The following FAM168A variants were observed in gnomAD, a reference collection of about 807,000 sequenced individuals.
FAM168A encodes the protein protein FAM168A.
In FAM168A, 3 loss-of-function variants were observed where a neutral mutation model predicts 28.5. The ratio of observed to expected loss-of-function variants is 0.11; its 90% CI spans 0.05 to 0.27. FAM168A has a LOEUF of 0.27. FAM168A is among the 10% of genes least tolerant of loss of function. FAM168A has a pLI of 1.00. For missense variants in FAM168A, 222 were observed against 311.5 expected (o/e 0.71, Z 2.16); for synonymous variants, 122 against 124.2 (o/e 0.98, Z 0.12).
At chr11:73,579,900 T>G (rs1414598954) in intron 1 of FAM168A, among the ~76,000 whole-genome samples, 1 of 152,196 alleles carries the variant, frequency 6.6e-6, no homozygotes, top group East Asian at 1.9e-4. Context: ...GCAAACTCAA[T>G]AATTTTTCAG....
intron 2 of FAM168A, among the ~76,000 whole-genome samples, chr11:73,447,743 C>T (rs1343897544): frequency 6.6e-6 from 1 of 151,562 alleles, no homozygotes; most frequent in Non-Finnish European, 1.5e-5. Context: ...CCTCTCTAAT[C>T]ACCAAGCCTT....
chr11:73,584,358 T>C (rs553490832), intron 1 of FAM168A, among the ~76,000 whole-genome samples: 1 of 151,974 alleles, frequency 6.6e-6, no homozygotes, highest in African/African-American at 2.4e-5. Context: ...TATTTTTTTG[T>C]AGAGATGTTG....
intron 1 of FAM168A, among the ~76,000 whole-genome samples, chr11:73,553,226 T>C (rs571774823): frequency 6.6e-6 from 1 of 152,254 alleles, no homozygotes; most frequent in East Asian, 1.9e-4. Context: ...TAGATTTTTT[T>C]TCAACGAGAC....
intron 3 of FAM168A, 56 bp downstream of exon 3, chr11:73,430,634 C>T (rs1866971048): frequency 6.5e-7 from 1 of 1,533,504 alleles, no homozygotes; most frequent in Non-Finnish European, 9.0e-7. Context: ...TTGCTTTTCC[C>T]AAATAGAGTC....
chr11:73,509,719 C>T (rs918997053), intron 1 of FAM168A, among the ~76,000 whole-genome samples: 1 of 152,196 alleles, frequency 6.6e-6, no homozygotes, highest in Admixed American at 6.5e-5. Flanking sequence ...TCAGCCTCCA[C>T]TCTCCAGCAC....
At chr11:73,414,334 G>A (rs908405138) in intron 4 of FAM168A, among the ~76,000 whole-genome samples, 3 of 152,132 alleles carry the variant, frequency 2.0e-5, no homozygotes, top group Non-Finnish European at 4.4e-5. Context: ...CTTTTTAAAA[G>A]CCTAAATATT....
chr11:73,499,918 GA>G (rs1854972193), intron 1 of FAM168A, among the ~76,000 whole-genome samples: 1 of 152,148 alleles, frequency 6.6e-6, no homozygotes, highest in South Asian at 2.1e-4. Flanking sequence ...CCAGGAGATG[GA>G]GAGAATGGAA....
At chr11:73,444,126 A>T (rs556600264) in intron 2 of FAM168A, among the ~76,000 whole-genome samples, 13 of 152,362 alleles carry the variant, frequency 8.5e-5, no homozygotes, top group African/African-American at 2.9e-4. Flanking sequence ...AAGTCCCTTT[A>T]CCTAATCCTC....
intron 1 of FAM168A, among the ~76,000 whole-genome samples, chr11:73,505,389 C>G (rs1855097214): frequency 6.6e-6 from 1 of 152,060 alleles, no homozygotes; most frequent in South Asian, 2.1e-4. Flanking sequence ...AATAATAGTA[C>G]TATCTAACAG....
chr11:73,477,082 G>C (rs965313216), intron 1 of FAM168A, among the ~76,000 whole-genome samples: 1 of 151,974 alleles, frequency 6.6e-6, no homozygotes, highest in Non-Finnish European at 1.5e-5. Context: ...GATGCAGCTG[G>C]AGGTCATTAT....
chr11:73,538,108 G>A (rs974863188), intron 1 of FAM168A, among the ~76,000 whole-genome samples: 3 of 152,046 alleles, frequency 2.0e-5, no homozygotes, highest in African/African-American at 7.3e-5. Context: ...CTTACCCAAG[G>A]TCTGAAACTT....
At chr11:73,595,529 A>C (rs1944432654) in intron 1 of FAM168A, among the ~76,000 whole-genome samples, 1 of 152,150 alleles carries the variant, frequency 6.6e-6, no homozygotes, top group Non-Finnish European at 1.5e-5. Flanking sequence ...TCTGAGCTCT[A>C]ATCAACAGCC....
intron 2 of FAM168A, among the ~76,000 whole-genome samples, chr11:73,464,339 A>G (rs1399987886): frequency 2.7e-5 from 4 of 148,222 alleles, no homozygotes; most frequent in African/African-American, 1.0e-4. Context: ...GGGGGGGAAA[A>G]CAAACACTGG....
At chr11:73,539,918 C>T (rs1943633035) in intron 1 of FAM168A, among the ~76,000 whole-genome samples, 1 of 152,184 alleles carries the variant, frequency 6.6e-6, no homozygotes, top group African/African-American at 2.4e-5. Context: ...AGCAGGAAGC[C>T]TGACAGGGAA....
chr11:73,459,384 G>A (rs1180490737), intron 2 of FAM168A, among the ~76,000 whole-genome samples: 1 of 151,858 alleles, frequency 6.6e-6, no homozygotes, highest in Non-Finnish European at 1.5e-5. Context: ...TACTCGGGAG[G>A]CTGAGGCAGG....
chr11:73,468,488 G>A lies in FAM168A; in HGVS notation c.-14C>T. The A allele has an allele frequency of 6.2e-7, 1 of 1,612,928 alleles. No individual in the cohort carries two copies. The highest frequency in any genetic ancestry group is 1.1e-5 in the South Asian group (1 of 90,968). On this transcript the variant is annotated 5_prime_UTR_variant, in exon 2 of 8. Transcript: ENST00000356467. ...AACAGGGTTCATTGTGGAAGACTGA[G>A]GATCCTACAGAGAAAACAAAGAAAA...
chr11:73,451,203 T>C (rs1311022928), intron 2 of FAM168A, among the ~76,000 whole-genome samples: 2 of 152,210 alleles, frequency 1.3e-5, no homozygotes, highest in African/African-American at 2.4e-5. Context: ...TAAGAGCTCC[T>C]GGGCAGCTTT....
chr11:73,458,236 T>C (rs2134558885), intron 2 of FAM168A, among the ~76,000 whole-genome samples: 1 of 152,294 alleles, frequency 6.6e-6, no homozygotes, highest in East Asian at 1.9e-4. Flanking sequence ...AGAAAAATAA[T>C]AACCCAACAA....
chr11:73,511,313 T>C (rs1172979697), intron 1 of FAM168A, among the ~76,000 whole-genome samples: 1 of 152,002 alleles, frequency 6.6e-6, no homozygotes, highest in Non-Finnish European at 1.5e-5. Context: ...CTCAGCTCAC[T>C]GCAAGCTCTG....
Sources: allele counts gnomAD v4.1 joint callset (sites outside exome capture counted in the v4.1 genomes callset), GRCh38; gene constraint gnomAD v4.1.1; transcripts MANE v1.5; gene names NCBI Gene and HGNC (gene_info 2026-07-23, HGNC 2026-07-21).